Variants in AP3B1 observed in about 807,000 individuals in gnomAD.
The protein encoded by AP3B1 is AP-3 complex subunit beta-1.
AP3B1 carries 61 observed loss-of-function variants against 132.5 expected under a neutral mutation model. The ratio of observed to expected loss-of-function variants is 0.46; its 90% CI spans 0.37 to 0.57. AP3B1 has a LOEUF of 0.57. Ranked by LOEUF, AP3B1 falls within the 20% of genes least tolerant of loss-of-function variation. The pLI, the probability that AP3B1 is intolerant of heterozygous loss-of-function variation, is 0.00. For synonymous variants in AP3B1, 388 were observed against 438.3 expected (o/e 0.89, Z 1.43); for missense variants, 1,120 against 1,289.4 (o/e 0.87, Z 2.01).
chr5:78,193,846 C>G (rs1302884003), intron 7 of AP3B1, among the ~76,000 whole-genome samples: 1 of 148,604 alleles, frequency 6.7e-6, no homozygotes, highest in African/African-American at 2.5e-5. Flanking sequence ...CTGCAAGCTC[C>G]CGGGTTCACG....
At chr5:78,053,580 T>C (rs1748673403) in intron 22 of AP3B1, among the ~76,000 whole-genome samples, 2 of 147,824 alleles carry the variant, frequency 1.4e-5, no homozygotes, top group African/African-American at 2.5e-5. Context: ...CTCAGGAGGC[T>C]GAGACAGGAG....
chr5:78,292,036 T>C (rs1476865462), intron 1 of AP3B1, among the ~76,000 whole-genome samples: 1 of 152,090 alleles, frequency 6.6e-6, no homozygotes, highest in Non-Finnish European at 1.5e-5. Flanking sequence ...AAGCAAGCAA[T>C]GTAGCATTTT....
intron 13 of AP3B1, among the ~76,000 whole-genome samples, chr5:78,157,979 A>G (rs868291692): frequency 3.3e-5 from 5 of 152,020 alleles, no homozygotes; most frequent in Admixed American, 6.5e-5. Context: ...TCAAACTCCT[A>G]ACCTCATGAT....
At chr5:78,215,215 T>G (rs1745909247) in intron 7 of AP3B1, among the ~76,000 whole-genome samples, 1 of 152,082 alleles carries the variant, frequency 6.6e-6, no homozygotes, top group Non-Finnish European at 1.5e-5. Context: ...AATCTTTTTT[T>G]TTTTTACACA....
chr5:78,252,787 C>T (rs1291681407), intron 2 of AP3B1, among the ~76,000 whole-genome samples: 6 of 152,302 alleles, frequency 3.9e-5, no homozygotes, highest in East Asian at 1.9e-4. Context: ...TTGACCCATC[C>T]GGGGCCTGGG....
chr5:78,166,755 C>T (rs895500152), intron 11 of AP3B1, among the ~76,000 whole-genome samples: 1 of 151,996 alleles, frequency 6.6e-6, no homozygotes, highest in Non-Finnish European at 1.5e-5. Flanking sequence ...GAAAGGATAC[C>T]CTATTCAACA....
At chr5:78,014,033 G>A (rs1449201407) in intron 26 of AP3B1, among the ~76,000 whole-genome samples, 1 of 152,076 alleles carries the variant, frequency 6.6e-6, no homozygotes, top group Non-Finnish European at 1.5e-5. Context: ...CGTGGTGCCG[G>A]GTGCCTGTAG....
In AP3B1 at chr5:78,238,747, T is replaced by C. The variant is rs544160795; in HGVS notation, c.279+2115A>G. ...GTTTCTAGTTAACCCAAAAAAGGAA[T>C]AGGAAGAATAGAAGACAAAAATAAA... On this transcript the variant is annotated intron_variant, in intron 3 of 26. Coordinates refer to ENST00000255194, the MANE Select transcript of AP3B1 (RefSeq NM_003664.5). Among the ~76,000 whole-genome samples, 3 of 150,540 alleles carry C rather than the reference T, an allele frequency of 2.0e-5. No individual in the cohort carries two copies. In the East Asian group the frequency reaches 5.9e-4, roughly 30 times the overall value.
chr5:78,127,695 T>C (rs187443388), intron 17 of AP3B1, among the ~76,000 whole-genome samples: 1 of 152,260 alleles, frequency 6.6e-6, no homozygotes, highest in East Asian at 1.9e-4. Context: ...TACAAATCTC[T>C]AAACAAAGTA....
At chr5:78,187,827 A>T (rs993853673) in intron 7 of AP3B1, among the ~76,000 whole-genome samples, 1 of 152,252 alleles carries the variant, frequency 6.6e-6, no homozygotes, top group Non-Finnish European at 1.5e-5. Context: ...ACCTGACTTC[A>T]GACTATACTA....
intron 17 of AP3B1, among the ~76,000 whole-genome samples, chr5:78,127,593 A>T (rs1047903682): frequency 3.9e-5 from 6 of 152,194 alleles, no homozygotes; most frequent in Middle Eastern, 3.2e-3. Context: ...GGCTTCACTT[A>T]AAAATGGTTC....
chr5:78,062,654 G>C (rs1280805877), intron 22 of AP3B1, among the ~76,000 whole-genome samples: 1 of 152,198 alleles, frequency 6.6e-6, no homozygotes, highest in Non-Finnish European at 1.5e-5. Flanking sequence ...ACACTTGAGA[G>C]CCAGCAAAAT....
chr5:78,003,618 A>G (rs1208197797), intron 26 of AP3B1: 2 of 179,438 alleles, frequency 1.1e-5, no homozygotes, highest in African/African-American at 4.8e-5. Context: ...GATGACATGA[A>G]GCAAAATCAC....
At chr5:78,279,437 C>T (rs536532402) in intron 1 of AP3B1, among the ~76,000 whole-genome samples, 1 of 152,166 alleles carries the variant, frequency 6.6e-6, no homozygotes, top group Non-Finnish European at 1.5e-5. Context: ...ATAAAGGTAA[C>T]ATAAGATTAC....
chr5:78,028,378 C>T (rs766867979), intron 24 of AP3B1, among the ~76,000 whole-genome samples: 28 of 151,344 alleles, frequency 1.9e-4, no homozygotes, highest in African/African-American at 5.6e-4. Flanking sequence ...GCAAGAGAAT[C>T]GCTTGAACCA....
At chr5:78,193,770 A>ATTTATATTTTTT (rs1744964811) in intron 7 of AP3B1, among the ~76,000 whole-genome samples, 1 of 67,218 alleles carries the variant, frequency 1.5e-5, no homozygotes, top group Non-Finnish European at 3.2e-5. Flanking sequence ...ATATATATAT[A>ATTTATATTTTTT]TTTTTTTTTT....
At chr5:78,061,050 G>T (rs1261064131) in intron 22 of AP3B1, among the ~76,000 whole-genome samples, 3 of 150,014 alleles carry the variant, frequency 2.0e-5, no homozygotes, top group Non-Finnish European at 4.4e-5. Context: ...TTTGAAAAAA[G>T]AAGTACTGAA....
At chr5:78,006,754 T>C (rs911726774) in intron 26 of AP3B1, among the ~76,000 whole-genome samples, 1 of 152,222 alleles carries the variant, frequency 6.6e-6, no homozygotes, top group Admixed American at 6.5e-5. Flanking sequence ...TATTTTTCAT[T>C]TCATTCTATC....
intron 7 of AP3B1, among the ~76,000 whole-genome samples, chr5:78,204,169 A>C (rs1020378719): frequency 6.6e-6 from 1 of 152,128 alleles, no homozygotes; most frequent in Non-Finnish European, 1.5e-5. Context: ...TAAAAACTAG[A>C]CATTTTGAAT....
Sources: gnomAD v4.1 joint callset for allele counts (sites outside exome capture counted in the v4.1 genomes callset) on GRCh38, gnomAD v4.1.1 for gene constraint, MANE v1.5 for transcripts, NCBI Gene and HGNC (gene_info 2026-07-23, HGNC 2026-07-21) for gene names.